Variants in LGR4 observed in about 807,000 individuals in gnomAD.
LGR4 encodes the protein leucine-rich repeat-containing G protein-coupled receptor 4.
LGR4 carries 44 observed loss-of-function variants against 84.8 expected under a neutral mutation model. The ratio of observed to expected loss-of-function variants is 0.52; its 90% confidence interval spans 0.41 to 0.67. The LOEUF is 0.67. Ranked by LOEUF, LGR4 falls within the 30% of genes least tolerant of loss-of-function variation. The probability of loss-of-function intolerance (pLI) is 0.00; values close to 1 mark genes in which losing one functional copy is unlikely to be tolerated. For missense variants in LGR4, 1,032 were observed against 1,131.4 expected, an observed-to-expected ratio of 0.91 and a Z score of 1.26; for synonymous variants, 429 against 434.3, an observed-to-expected ratio of 0.99 and a Z score of 0.15.
Position 27,472,448 on chromosome 11 carries a change from AGCAGTCCGCCGCAGCGGCGCAGGGACGCG to A in LGR4, c.-175_-147del. ...CGGTCCGCGCGGGCTCGGCCCCTTC[AGCAGTCCGCCGCAGCGGCGCAGGGACGCG>A]GCGCTCCGGAGTTTCGCCCTTCCCG... On this transcript the variant is annotated 5_prime_UTR_variant, in exon 1 of 18. The change abolishes the stop of an existing upstream ORF in the 5' untranslated region. Coordinates refer to ENST00000379214, the MANE Select transcript of LGR4 (RefSeq NM_018490.5). 2.0e-6 allele frequency: 1 copy of A among 495,408 alleles called. No homozygotes were observed. Among genetic ancestry groups the A allele is most frequent in the East Asian group, 3.7e-5 (1 of 26,858 alleles). 30.7% of individuals were successfully genotyped at this position (495,408 alleles called of 1,614,324 possible).
rs1053576109 is a variant in LGR4, at chr11:27,385,357, G to A, written c.513C>T (p.His171=). 2 of 1,612,302 alleles carry A rather than the reference G, an allele frequency of 1.2e-6. No individual in the cohort carries two copies. The highest frequency in any genetic ancestry group is 1.7e-6 in the Non-Finnish European group (2 of 1,179,344). Residue 171 remains histidine, a synonymous_variant, in exon 5 of 18, where the codon CAC becomes CAT. Transcript: ENST00000379214. The part of the protein sequence containing the change: ...DDNSLTEVPV[H]PLSNLPTLQA... ...GTAGGGTGGGCAGATTGCTGAGGGG[G>A]TGCACAGGCACCTCCGTCAAGCTGT... is the stretch of plus-strand genomic sequence containing the variant.
intron 1 of LGR4, among the ~76,000 whole-genome samples, chr11:27,419,285 C>T (rs1286133335): frequency 6.6e-6 from 1 of 151,862 alleles, no homozygotes; most frequent in Admixed American, 6.6e-5. Flanking sequence ...AAATAAGATA[C>T]ACAAATGGCA....
rs1864891456 is a variant in LGR4, at chr11:27,472,221, G to C, written c.82C>G (p.Leu28Val). Reference sequence around the variant, plus strand: ...TCGCAGCTGCAGGGCGCCGCGCAGAGAGGCGGCGCCGCGCCGCTGGGCCCG... The same window carrying C: ...TCGCAGCTGCAGGGCGCCGCGCAGACAGGCGGCGCCGCGCCGCTGGGCCCG... ...SAGPSGAAPP[L>V]CAAPCSCDGD... Residue 28 changes from leucine to valine, a missense_variant, in exon 1 of 18, where the codon CTC becomes GTC. Leu to Val is a conservative substitution (Grantham distance 32). Coordinates refer to ENST00000379214, the MANE Select transcript of LGR4 (RefSeq NM_018490.5). 7.4e-7 allele frequency: 1 copy of C among 1,359,480 alleles called. No individual in the cohort carries two copies. The highest frequency in any genetic ancestry group is 9.5e-7 in the Non-Finnish European group (1 of 1,056,846). The allele number at this position is 1,359,480 out of a possible 1,614,324, so 84.2% of individuals were successfully genotyped here.
chr11:27,430,242 A>C (rs1864093771), intron 1 of LGR4, among the ~76,000 whole-genome samples: 1 of 152,220 alleles, frequency 6.6e-6, no homozygotes, highest in African/African-American at 2.4e-5. Context: ...CAAGAAGAAC[A>C]ATAGTATGCT....
chr11:27,459,637 T>A (rs575255172), intron 1 of LGR4, among the ~76,000 whole-genome samples: 1 of 152,058 alleles, frequency 6.6e-6, no homozygotes, highest in East Asian at 2.0e-4. Context: ...CCACTGCACC[T>A]GCCTAATTTT....
chr11:27,380,568 G>C, intron 9 of LGR4, 72 bp downstream of exon 9: 1 of 1,068,394 alleles, frequency 9.4e-7, no homozygotes, highest in East Asian at 2.4e-5. Context: ...TGGAGTTCCA[G>C]TAATAAATTC....
chr11:27,448,281 CT>C (rs1241418974), intron 1 of LGR4, among the ~76,000 whole-genome samples: 4 of 141,136 alleles, frequency 2.8e-5, no homozygotes, highest in African/African-American at 5.0e-5. Flanking sequence ...TTCAGTTGTT[CT>C]TTTTTTTCTT....
At chr11:27,449,637 A>G (rs1388896989) in intron 1 of LGR4, among the ~76,000 whole-genome samples, 2 of 152,052 alleles carry the variant, frequency 1.3e-5, no homozygotes, top group Non-Finnish European at 2.9e-5. Context: ...AAGAAAAAAA[A>G]AAGAAGAAGA....
intron 5 of LGR4, 36 bp downstream of exon 5, chr11:27,385,217 C>T (rs1458241306): frequency 1.0e-5 from 14 of 1,387,346 alleles, no homozygotes; most frequent in South Asian, 9.1e-5. Context: ...CCCCAATTAA[C>T]ACAAATATAT....
At chr11:27,391,243 T>C in intron 3 of LGR4, 78 bp from the exon 4 acceptor site, 1 of 717,946 alleles carries the variant, frequency 1.4e-6, no homozygotes, top group Non-Finnish European at 2.4e-6. Flanking sequence ...GCCTTTTTTT[T>C]TTTTTTTTCA....
chr11:27,380,235 T>C, intron 10 of LGR4, 36 bp downstream of exon 10: 2 of 1,385,292 alleles, frequency 1.4e-6, no homozygotes, highest in South Asian at 1.2e-5. Context: ...AGTAGTGTTA[T>C]CTTTATACAA....
chr11:27,455,098 C>T (rs1864549536), intron 1 of LGR4, among the ~76,000 whole-genome samples: 1 of 152,134 alleles, frequency 6.6e-6, no homozygotes, highest in African/African-American at 2.4e-5. Context: ...TGCAGTGGCA[C>T]CATCATAGTT....
Position 27,368,880 on chromosome 11 carries a change from C to T in LGR4, c.1843G>A (p.Gly615Ser), listed in dbSNP as rs770003664. ...AACCCAGCTACTTTGCAGCCACTGC[C>T]AGTTTCCCACCAAATGCCAAATTCA... ...FAEFGIWWET[G>S]SGCKVAGFLA... Residue 615 changes from glycine to serine, a missense_variant, in exon 18 of 18, where the codon GGC (glycine) becomes AGC (serine). By Grantham distance (56) the Gly-to-Ser change is moderately conservative. Transcript: ENST00000379214. The T allele has an allele frequency of 6.2e-7, 1 of 1,614,170 alleles. No individual in the cohort carries two copies. The highest frequency in any genetic ancestry group is 1.1e-5 in the South Asian group (1 of 91,078).
chr11:27,424,262 A>G (rs1326744411), intron 1 of LGR4, among the ~76,000 whole-genome samples: 4 of 152,144 alleles, frequency 2.6e-5, no homozygotes, highest in African/African-American at 9.7e-5. Flanking sequence ...ATATAAGGCC[A>G]AGCACAGTGG....
At chr11:27,431,638 T>TATG (rs1345180980) in intron 1 of LGR4, among the ~76,000 whole-genome samples, 1 of 152,174 alleles carries the variant, frequency 6.6e-6, no homozygotes, top group African/African-American at 2.4e-5. Flanking sequence ...TTTTTCTTCT[T>TATG]CCATGACTCT....
intron 12 of LGR4, among the ~76,000 whole-genome samples, chr11:27,376,946 G>A (rs547419829): frequency 3.9e-5 from 6 of 152,080 alleles, no homozygotes; most frequent in South Asian, 4.2e-4. Flanking sequence ...ACTCCCCCCC[G>A]CATAGCGTTT....
Position 27,374,040 on chromosome 11 carries a change from C to A in LGR4, c.1188G>T (p.Leu396=), listed in dbSNP as rs149138714. ...GAATTTCATGTATCAGGTTTCTACT[C>A]AGATCTCTGCAATTATAAGAGTAAC... ...QGLISLRILD[L]SRNLIHEIHS... The change falls in exon 14 of 18, where the codon CTG becomes CTT. Residue 396 remains leucine (L), a synonymous_variant. Transcript: ENST00000379214. 100 of 1,606,154 alleles carry A rather than the reference C, an allele frequency of 6.2e-5. No individual in the cohort carries two copies. In the Middle Eastern group the frequency reaches 6.6e-4, roughly 11 times the overall value.
intron 1 of LGR4, among the ~76,000 whole-genome samples, chr11:27,466,547 A>G (rs1864781061): frequency 6.6e-6 from 1 of 152,262 alleles, no homozygotes; most frequent in Non-Finnish European, 1.5e-5. Flanking sequence ...GACAGAGGCC[A>G]AGAATATGCC....
chr11:27,461,667 G>A (rs977713130), intron 1 of LGR4, among the ~76,000 whole-genome samples: 12 of 150,578 alleles, frequency 8.0e-5, no homozygotes, highest in Admixed American at 6.0e-4. Context: ...TATTGTTACC[G>A]TTAGTATATT....
Sources: allele counts gnomAD v4.1 joint callset (sites outside exome capture counted in the v4.1 genomes callset), GRCh38; gene constraint gnomAD v4.1.1; transcripts MANE v1.5; gene names NCBI Gene and HGNC (gene_info 2026-07-23, HGNC 2026-07-21).